PRKAG2: variants seen among roughly 807,000 people sequenced by gnomAD.
The protein encoded by PRKAG2 is 5'-AMP-activated protein kinase subunit gamma-2.
Under a neutral mutation model 69.6 loss-of-function variants are expected in PRKAG2, and 26 were observed. The observed-to-expected ratio is 0.37, with a 90% CI of 0.27 to 0.52. The LOEUF (loss-of-function observed/expected upper bound fraction) is 0.52. Ranked by LOEUF, PRKAG2 falls within the 20% of genes least tolerant of loss-of-function variation. The pLI, the probability that PRKAG2 is intolerant of heterozygous loss-of-function variation, is 0.90. For synonymous variants in PRKAG2, 293 were observed against 285.0 expected, an observed-to-expected ratio of 1.03 and a Z score of -0.28; for missense variants, 557 against 740.0, an observed-to-expected ratio of 0.75 and a Z score of 2.87.
chr7:151,558,998 T>C (rs4726049), intron 15 of PRKAG2: 621,284 of 985,276 alleles, frequency 0.63, 200,810 homozygotes, highest in East Asian at 0.71. Context: ...GGGCAGACTG[T>C]GTCCCGTGGT....
At chr7:151,821,058 G>GCCAGAAGGAAAGTAGAT (rs1563728668) in intron 1 of PRKAG2, among the ~76,000 whole-genome samples, 1 of 5,130 alleles carries the variant, frequency 1.9e-4, no homozygotes, top group African/African-American at 5.9e-4. Context: ...GGAAAGCTGT[G>GCCAGAAGGAAAGTAGAT]GAGACAGGGA....
chr7:151,842,895 G>T (rs2151888540), intron 1 of PRKAG2, among the ~76,000 whole-genome samples: 1 of 152,042 alleles, frequency 6.6e-6, no homozygotes. Flanking sequence ...CGTGTCTTTA[G>T]GATAGAAAAC....
At chr7:151,874,059 T>A (rs1014968817) in intron 1 of PRKAG2, among the ~76,000 whole-genome samples, 5 of 146,986 alleles carry the variant, frequency 3.4e-5, no homozygotes, top group Non-Finnish European at 6.0e-5. Flanking sequence ...TATGTATATG[T>A]ATATGTATAT....
chr7:151,738,551 A>G (rs1440255949), intron 3 of PRKAG2, among the ~76,000 whole-genome samples: 1 of 152,298 alleles, frequency 6.6e-6, no homozygotes, highest in Non-Finnish European at 1.5e-5. Flanking sequence ...TGGCCTGCCC[A>G]GGGCGGAAAA....
chr7:151,675,335 G>A (rs1404702657), intron 4 of PRKAG2, 85 bp downstream of exon 4: 2 of 1,351,212 alleles, frequency 1.5e-6, no homozygotes, highest in Non-Finnish European at 2.1e-6. Flanking sequence ...CTCGGCTGCA[G>A]ATAGACTGCT....
At chr7:151,558,305 CA>C in intron 15 of PRKAG2, 1 of 985,474 alleles carries the variant, frequency 1.0e-6, no homozygotes, top group Non-Finnish European at 1.2e-6. Context: ...GCAGACACTT[CA>C]TCAAACTGCC....
At chr7:151,696,636 C>T (rs1028627242) in intron 3 of PRKAG2, among the ~76,000 whole-genome samples, 9 of 152,228 alleles carry the variant, frequency 5.9e-5, no homozygotes, top group Admixed American at 2.6e-4. Context: ...CAACCTTCCA[C>T]CCACCATCAT....
intron 1 of PRKAG2, among the ~76,000 whole-genome samples, chr7:151,848,326 C>T (rs1426437279): frequency 6.6e-6 from 1 of 152,044 alleles, no homozygotes; most frequent in Non-Finnish European, 1.5e-5. Flanking sequence ...TGTGAAGTCA[C>T]AGTGTGCAAG....
intron 3 of PRKAG2, among the ~76,000 whole-genome samples, chr7:151,746,426 C>T (rs958593349): frequency 6.6e-6 from 1 of 152,232 alleles, no homozygotes; most frequent in Non-Finnish European, 1.5e-5. Context: ...CAGGTTCACC[C>T]ATTGGCATGC....
intron 3 of PRKAG2, among the ~76,000 whole-genome samples, chr7:151,683,512 G>A (rs559657044): frequency 1.5e-4 from 23 of 152,282 alleles, no homozygotes; most frequent in East Asian, 7.7e-4. Context: ...CCTGAGGAAC[G>A]GAACGACAAG....
At chr7:151,686,575 C>T (rs528998119) in intron 3 of PRKAG2, among the ~76,000 whole-genome samples, 3 of 152,330 alleles carry the variant, frequency 2.0e-5, no homozygotes, top group South Asian at 2.1e-4. Context: ...AGCTCTGCTG[C>T]TCCTTTCCAG....
At position 151,638,747 on chromosome 7, in the gene PRKAG2, AT is replaced by A. The variant is rs1367275117; in HGVS notation, c.685-6610del. Among the ~76,000 whole-genome samples, 1 of 152,218 alleles carries A rather than the reference AT, an allele frequency of 6.6e-6. No homozygotes were observed. Among genetic ancestry groups the A allele is most frequent in the Non-Finnish European group, 1.5e-5 (1 of 68,038 alleles). ...AAAACTTCAGCCTGAAAACTTAATCATAAAACAATTGCCAAAAAAGCACTCC... is the reference window on the plus strand; with the variant it reads ...AAAACTTCAGCCTGAAAACTTAATCAAAAACAATTGCCAAAAAAGCACTCC... On this transcript the variant is annotated intron_variant, in intron 4 of 15. Transcript: ENST00000287878. This position sits in a 1 kb window ranked among gnomAD's most constrained non-coding sequence, Gnocchi z 4.3.
At chr7:151,682,801 G>A (rs1321798488) in intron 3 of PRKAG2, among the ~76,000 whole-genome samples, 1 of 150,648 alleles carries the variant, frequency 6.6e-6, no homozygotes. Context: ...GGAGCTCAGG[G>A]AAGAGGAGAG....
intron 3 of PRKAG2, among the ~76,000 whole-genome samples, chr7:151,685,093 A>G (rs1834519892): frequency 6.6e-6 from 1 of 152,176 alleles, no homozygotes; most frequent in South Asian, 2.1e-4. Context: ...TACCCTACAC[A>G]GAGCGGGCCT....
Position 151,788,120 on chromosome 7 carries a change from A to G in PRKAG2, c.115-1579T>C, listed in dbSNP as rs2077103110. Reference sequence around the variant, plus strand: ...TCAATTCTTTCCAGTTATCCCCAGAAGTGGAACTGCTGGACATCAGGTCAT... The same window carrying G: ...TCAATTCTTTCCAGTTATCCCCAGAGGTGGAACTGCTGGACATCAGGTCAT... On this transcript the variant is annotated intron_variant, in intron 1 of 15. Transcript: ENST00000287878. This position sits in a 1 kb window ranked among gnomAD's most constrained non-coding sequence, Gnocchi z 4.6. Among the ~76,000 whole-genome samples the G allele has an allele frequency of 6.6e-6, 1 of 152,230 alleles. No homozygotes were observed. Among genetic ancestry groups the G allele is most frequent in the Admixed American group, 6.5e-5 (1 of 15,284 alleles).
At chr7:151,715,863 G>T (rs866916946) in intron 3 of PRKAG2, among the ~76,000 whole-genome samples, 1 of 152,198 alleles carries the variant, frequency 6.6e-6, no homozygotes, top group African/African-American at 2.4e-5. Flanking sequence ...GAGCCTTGGT[G>T]CGGGACTCCA....
intron 1 of PRKAG2, among the ~76,000 whole-genome samples, chr7:151,819,334 C>T (rs2078716645): frequency 6.6e-6 from 1 of 152,192 alleles, no homozygotes; most frequent in African/African-American, 2.4e-5. Flanking sequence ...CGCCTAAAAT[C>T]GCCTATAGGG....
At chr7:151,572,625 C>T (rs1216994139) in intron 9 of PRKAG2, 39 bp downstream of exon 9, 2 of 1,467,360 alleles carry the variant, frequency 1.4e-6, no homozygotes, top group Non-Finnish European at 1.9e-6. Context: ...ACATAGCTTT[C>T]CCGATACTAA....
chr7:151,563,824 T>G (rs1006014434), intron 14 of PRKAG2, among the ~76,000 whole-genome samples: 1 of 152,260 alleles, frequency 6.6e-6, no homozygotes, highest in African/African-American at 2.4e-5. Context: ...AAACTATGAA[T>G]GTATCTTACC....
Sources: allele counts gnomAD v4.1 joint callset (sites outside exome capture counted in the v4.1 genomes callset), GRCh38; gene constraint gnomAD v4.1.1; non-coding constraint Gnocchi (gnomAD v3.1); transcripts MANE v1.5; gene names NCBI Gene and HGNC (gene_info 2026-07-23, HGNC 2026-07-21).